TNFRSF1B: variants seen among roughly 807,000 people sequenced by gnomAD.
TNFRSF1B encodes tumor necrosis factor receptor superfamily member 1B.
A neutral mutation model predicts 44.6 loss-of-function variants in TNFRSF1B; 19 were observed. The observed-to-expected ratio is 0.43, with a 90% CI of 0.30 to 0.62. The LOEUF is 0.62. Among genes scored for constraint, TNFRSF1B ranks in the 20% least tolerant of loss-of-function variants. The probability of loss-of-function intolerance (pLI) is 0.16; values close to 1 mark genes in which losing one functional copy is unlikely to be tolerated. For synonymous variants in TNFRSF1B, 252 were observed against 261.1 expected (o/e 0.97, Z 0.34); for missense variants, 541 against 619.9 (o/e 0.87, Z 1.35).
intron 8 of TNFRSF1B, among the ~76,000 whole-genome samples, chr1:12,198,778 CCT>C (rs1639327446): frequency 6.7e-6 from 1 of 149,582 alleles, no homozygotes; most frequent in Admixed American, 6.7e-5. Context: ...GCAAGCTCCG[CCT>C]CCCGGGTTCA....
intron 8 of TNFRSF1B, among the ~76,000 whole-genome samples, chr1:12,198,776 C>T (rs900976049): frequency 1.1e-4 from 17 of 149,168 alleles, no homozygotes; most frequent in East Asian, 4.0e-4. Context: ...CTGCAAGCTC[C>T]GCCTCCCGGG....
rs1335570467 is a variant in TNFRSF1B at position 12,187,068 on chromosome 1, G to A, written c.79-1728G>A. 6.6e-6 allele frequency among the ~76,000 whole-genome samples: 1 copy of A among 152,146 alleles called. No individual in the cohort carries two copies. The highest frequency in any genetic ancestry group is 1.5e-5 in the Non-Finnish European group (1 of 68,024). ...CTGCACTCCTGGAGGGTCACTCAGA[G>A]ACCCGAGAGAGGAGGGCTCTGCGTC... On this transcript the variant is annotated intron_variant, in intron 1 of 9. Coordinates refer to ENST00000376259, the MANE Select transcript of TNFRSF1B (RefSeq NM_001066.3). This position sits in a 1 kb window ranked among gnomAD's most constrained non-coding sequence, Gnocchi z 5.5.
chr1:12,202,532 T>C (rs1026715969), intron 9 of TNFRSF1B, among the ~76,000 whole-genome samples: 2 of 152,182 alleles, frequency 1.3e-5, no homozygotes, highest in Non-Finnish European at 2.9e-5. Context: ...TGTACAGACA[T>C]TGTCTTCTCC....
At chr1:12,200,796 T>C (rs1401104805) in intron 8 of TNFRSF1B, among the ~76,000 whole-genome samples, 1 of 152,118 alleles carries the variant, frequency 6.6e-6, no homozygotes, top group African/African-American at 2.4e-5. Flanking sequence ...TAATTTTGTA[T>C]TTTTAGTAGA....
chr1:12,191,337 A>AG lies in TNFRSF1B; in HGVS notation c.307+253dup, dbSNP rs1415226752. Among the ~76,000 whole-genome samples the AG allele has an allele frequency of 2.0e-5, 3 of 152,114 alleles. No individual in the cohort carries two copies. The East Asian group carries it at 5.8e-4, about 29-fold the overall frequency. On this transcript the variant is annotated intron_variant, in intron 3 of 9. Coordinates refer to ENST00000376259, the MANE Select transcript of TNFRSF1B (RefSeq NM_001066.3). ...GGGTTGAGGAGGTGGTGCGTGGGAGAGTGGTGCGCATGCTCGTGCTGCGAG... is the reference window on the plus strand; with the variant it reads ...GGGTTGAGGAGGTGGTGCGTGGGAGAGGTGGTGCGCATGCTCGTGCTGCGAG...
intron 8 of TNFRSF1B, among the ~76,000 whole-genome samples, chr1:12,197,106 C>A (rs181802569): frequency 1.7e-3 from 264 of 152,218 alleles, no homozygotes; most frequent in African/African-American, 6.2e-3. Flanking sequence ...CGCCACCATG[C>A]CTGGCTAATT....
In TNFRSF1B at chr1:12,187,153, T is replaced by TG. The variant is rs1639004524; in HGVS notation, c.79-1643_79-1642insG. Among the ~76,000 whole-genome samples, 1 of 148,830 alleles carries TG rather than the reference T, an allele frequency of 6.7e-6. No individual in the cohort carries two copies. The highest frequency in any genetic ancestry group is 2.5e-5 in the African/African-American group (1 of 40,364). On this transcript the variant is annotated intron_variant, in intron 1 of 9. Coordinates refer to ENST00000376259, the MANE Select transcript of TNFRSF1B (RefSeq NM_001066.3). The surrounding 1 kb of genome is among the most constrained non-coding windows in gnomAD (Gnocchi z 5.5). ...GCCTTTGCTTTTCTCTTTTCTCCCC[T>TG]CTTTTTTTTTTTTTTTCGAGATGGA...
At chr1:12,172,521 C>T (rs1638544997) in intron 1 of TNFRSF1B, among the ~76,000 whole-genome samples, 1 of 152,196 alleles carries the variant, frequency 6.6e-6, no homozygotes, top group Non-Finnish European at 1.5e-5. Context: ...GGTGCTCGGG[C>T]CTAGGTGGGG....
intron 1 of TNFRSF1B, among the ~76,000 whole-genome samples, chr1:12,174,206 C>T (rs1260544193): frequency 1.5e-5 from 2 of 134,832 alleles, no homozygotes; most frequent in African/African-American, 5.8e-5. Flanking sequence ...CCTTCTCCTT[C>T]TCCTTCTCCT....
intron 1 of TNFRSF1B, among the ~76,000 whole-genome samples, chr1:12,185,250 C>T (rs991620274): frequency 7.9e-5 from 12 of 152,180 alleles, no homozygotes; most frequent in African/African-American, 2.4e-4. Context: ...TCCAGGAGGC[C>T]GGATGATCAG....
chr1:12,184,813 C>T (rs999249637), intron 1 of TNFRSF1B, among the ~76,000 whole-genome samples: 1 of 152,220 alleles, frequency 6.6e-6, no homozygotes, highest in African/African-American at 2.4e-5. Context: ...GAGTGAGGGG[C>T]TCCCCTGGTT....
At chr1:12,200,602 C>T (rs1410650775) in intron 8 of TNFRSF1B, among the ~76,000 whole-genome samples, 2 of 152,078 alleles carry the variant, frequency 1.3e-5, no homozygotes, top group Admixed American at 1.3e-4. Context: ...ACTTGAGCTT[C>T]CCACCATTCC....
intron 9 of TNFRSF1B, 112 bp downstream of exon 9, chr1:12,202,283 G>A (rs1013980244): frequency 1.5e-5 from 21 of 1,438,356 alleles, no homozygotes; most frequent in Non-Finnish European, 1.9e-5. Flanking sequence ...GACGAGGCCT[G>A]AGCCACAGGG....
At chr1:12,201,380 A>C (rs763213721) in intron 8 of TNFRSF1B, among the ~76,000 whole-genome samples, 4 of 151,954 alleles carry the variant, frequency 2.6e-5, no homozygotes, top group Non-Finnish European at 5.9e-5. Flanking sequence ...TTACTATGTA[A>C]TAGGCATTGT....
intron 2 of TNFRSF1B, among the ~76,000 whole-genome samples, chr1:12,190,037 T>C (rs681906): frequency 0.017 from 2,618 of 152,136 alleles, 81 homozygotes; most frequent in African/African-American, 0.06. Context: ...GCAGGGACCA[T>C]GGTAAGGAGT....
chr1:12,176,696 G>C (rs1003621241), intron 1 of TNFRSF1B, among the ~76,000 whole-genome samples: 2 of 152,198 alleles, frequency 1.3e-5, no homozygotes, highest in Non-Finnish European at 2.9e-5. Flanking sequence ...GAGAGTGACA[G>C]GGCAAAGATC....
Position 12,180,144 on chromosome 1 carries a change from T to A in TNFRSF1B, c.79-8652T>A, listed in dbSNP as rs1037498931. The stretch of plus-strand genomic sequence containing the variant: ...GGATCTCCGGAACATTGAAAAGCCA[T>A]GAAGGCCGGGCACAGCGGCTCACGC... On this transcript the variant is annotated intron_variant, in intron 1 of 9. Coordinates refer to ENST00000376259, the MANE Select transcript of TNFRSF1B (RefSeq NM_001066.3). This position sits in a 1 kb window ranked among gnomAD's most constrained non-coding sequence, Gnocchi z 4.3. Among the ~76,000 whole-genome samples the A allele has an allele frequency of 6.6e-6, 1 of 152,036 alleles. No individual in the cohort carries two copies. Among genetic ancestry groups the A allele is most frequent in the East Asian group, 1.9e-4 (1 of 5,162 alleles).
At chr1:12,181,911 G>A (rs753363121) in intron 1 of TNFRSF1B, among the ~76,000 whole-genome samples, 3 of 152,170 alleles carry the variant, frequency 2.0e-5, no homozygotes, top group South Asian at 4.1e-4. Flanking sequence ...CTGAGCCTTC[G>A]ACACCCATCC....
Position 12,199,434 on chromosome 1 carries a change from G to A in TNFRSF1B, c.901-2533G>A, listed in dbSNP as rs1337741474. Among the ~76,000 whole-genome samples, 2 of 152,258 alleles carry A rather than the reference G, an allele frequency of 1.3e-5. No individual in the cohort carries two copies. The highest frequency in any genetic ancestry group is 6.5e-5 in the Admixed American group (1 of 15,292). On this transcript the variant is annotated intron_variant, in intron 8 of 9. Coordinates refer to ENST00000376259, the MANE Select transcript of TNFRSF1B (RefSeq NM_001066.3). This position sits in a 1 kb window ranked among gnomAD's most constrained non-coding sequence, Gnocchi z 4.0. ...TGGTCTAGGCTTCTGCTCCTGCCAC[G>A]GACCAGCTGTGTGATGCTGGGCACA...
Sources: allele counts gnomAD v4.1 joint callset (sites outside exome capture counted in the v4.1 genomes callset), GRCh38; gene constraint gnomAD v4.1.1; non-coding constraint Gnocchi (gnomAD v3.1); transcripts MANE v1.5; gene names NCBI Gene and HGNC (gene_info 2026-07-23, HGNC 2026-07-21).